Variants in NRXN3 observed in about 807,000 individuals in gnomAD.
NRXN3 encodes the protein neurexin 3, also known as neurexin III.
A neutral mutation model predicts 137.6 loss-of-function variants in NRXN3; 32 were observed. The observed-to-expected ratio is 0.23, with a 90% confidence interval of 0.18 to 0.31. The LOEUF (loss-of-function observed/expected upper bound fraction) is 0.31. Among genes scored for constraint, NRXN3 ranks in the 10% least tolerant of loss-of-function variants. The pLI, the probability that NRXN3 is intolerant of heterozygous loss-of-function variation, is 1.00. For missense variants in NRXN3, 1,574 were observed against 2,062.5 expected, an observed-to-expected ratio of 0.76 and a Z score of 4.59; for synonymous variants, 798 against 784.5, an observed-to-expected ratio of 1.02 and a Z score of -0.29.
At chr14:79,791,926 A>G (rs2099146623) in intron 19 of NRXN3, among the ~76,000 whole-genome samples, 1 of 152,180 alleles carries the variant, frequency 6.6e-6, no homozygotes, top group Non-Finnish European at 1.5e-5. Flanking sequence ...AATGTCTGCA[A>G]TAGTCATCTT....
At chr14:79,794,645 A>G (rs1309522454) in intron 19 of NRXN3, among the ~76,000 whole-genome samples, 1 of 152,228 alleles carries the variant, frequency 6.6e-6, no homozygotes, top group Non-Finnish European at 1.5e-5. Flanking sequence ...AGGACACGAT[A>G]TAGAATCCGG....
intron 19 of NRXN3, among the ~76,000 whole-genome samples, chr14:79,764,114 T>G (rs2099048039): frequency 6.6e-6 from 1 of 151,854 alleles, no homozygotes; most frequent in African/African-American, 2.4e-5. Context: ...AGCTTTTTTA[T>G]ATATGTAAAT....
chr14:78,603,173 C>T (rs550061368), intron 4 of NRXN3, among the ~76,000 whole-genome samples: 1 of 152,248 alleles, frequency 6.6e-6, no homozygotes, highest in East Asian at 1.9e-4. Flanking sequence ...TTTCCCTTTC[C>T]CCAGGGTTCC....
intron 6 of NRXN3, among the ~76,000 whole-genome samples, chr14:78,682,004 A>G (rs1332267542): frequency 6.6e-6 from 1 of 152,010 alleles, no homozygotes; most frequent in Non-Finnish European, 1.5e-5. Context: ...AGTAGCAGCG[A>G]TTACAGGCGA....
intron 19 of NRXN3, among the ~76,000 whole-genome samples, chr14:79,753,270 C>T (rs1167056251): frequency 4.6e-5 from 7 of 151,754 alleles, no homozygotes; most frequent in Admixed American, 1.3e-4. Flanking sequence ...CACATGCACA[C>T]GTATGTTTAT....
intron 4 of NRXN3, among the ~76,000 whole-genome samples, chr14:78,414,085 C>T (rs2092995559): frequency 6.6e-6 from 1 of 152,182 alleles, no homozygotes; most frequent in South Asian, 2.1e-4. Flanking sequence ...GAGGCCTCCC[C>T]AGCCATGTGG....
chr14:78,409,083 A>T (rs1461772317), intron 4 of NRXN3, among the ~76,000 whole-genome samples: 1 of 152,238 alleles, frequency 6.6e-6, no homozygotes, highest in Non-Finnish European at 1.5e-5. Context: ...GACAGCCTTC[A>T]ATAAATACTT....
intron 8 of NRXN3, among the ~76,000 whole-genome samples, chr14:78,801,370 G>A (rs984871270): frequency 6.6e-6 from 1 of 152,208 alleles, no homozygotes; most frequent in Non-Finnish European, 1.5e-5. Context: ...AAGGAAAGAA[G>A]TTTAATTGAC....
intron 10 of NRXN3, among the ~76,000 whole-genome samples, chr14:78,933,745 A>G (rs2152878817): frequency 6.6e-6 from 1 of 152,324 alleles, no homozygotes; most frequent in African/African-American, 2.4e-5. Context: ...CAAATACATT[A>G]CCTCACATAG....
rs975797313 is a variant in NRXN3, at chr14:79,773,789, A to G, written c.4015-31323A>G. Among the ~76,000 whole-genome samples, 7 of 151,048 alleles carry G rather than the reference A, an allele frequency of 4.6e-5. No homozygotes were observed. The South Asian group carries it at 1.2e-3, about 27-fold the overall frequency. ...AACTTAGAGTATAATAATGATAAATAAAATAAAAATAAATAAAAATAAAAA... is the reference window on the plus strand; with the variant it reads ...AACTTAGAGTATAATAATGATAAATGAAATAAAAATAAATAAAAATAAAAA... On this transcript the variant is annotated intron_variant, in intron 19 of 20. Coordinates refer to ENST00000335750, the MANE Select transcript of NRXN3 (RefSeq NM_001330195.2).
At chr14:78,793,932 A>T (rs1293014010) in intron 8 of NRXN3, among the ~76,000 whole-genome samples, 1 of 152,120 alleles carries the variant, frequency 6.6e-6, no homozygotes. Context: ...CACAGTTTGA[A>T]CAACTCAGAT....
chr14:79,811,581 C>CTTTTTTTTT (rs370942970), intron 20 of NRXN3, among the ~76,000 whole-genome samples: 99 of 116,602 alleles, frequency 8.5e-4, no homozygotes, highest in African/African-American at 1.5e-3. Context: ...TTTCTTTTTT[C>CTTTTTTTTT]TTTTTTTTTT....
At chr14:79,845,570 G>A (rs1306938129) in intron 20 of NRXN3, among the ~76,000 whole-genome samples, 4 of 134,414 alleles carry the variant, frequency 3.0e-5, no homozygotes, top group Non-Finnish European at 4.8e-5. Flanking sequence ...GAGAGAGAGA[G>A]AGACCGACCC....
At chr14:78,777,987 C>CGTGAT (rs2098750156) in intron 8 of NRXN3, among the ~76,000 whole-genome samples, 2 of 152,024 alleles carry the variant, frequency 1.3e-5, no homozygotes, top group Non-Finnish European at 2.9e-5. Context: ...GATCTCAAAC[C>CGTGAT]CCTAGCCTCA....
chr14:78,422,682 A>G (rs1441989676), intron 4 of NRXN3, among the ~76,000 whole-genome samples: 1 of 152,236 alleles, frequency 6.6e-6, no homozygotes, highest in African/African-American at 2.4e-5. Flanking sequence ...GCCCAGCACA[A>G]TGCTAGAGGC....
chr14:78,994,021 T>G (rs2099524677), intron 15 of NRXN3, among the ~76,000 whole-genome samples: 1 of 151,616 alleles, frequency 6.6e-6, no homozygotes, highest in Non-Finnish European at 1.5e-5. Context: ...GTCCAGCTAA[T>G]TTTTGTATTT....
At chr14:78,356,018 A>G (rs1365795105) in intron 4 of NRXN3, among the ~76,000 whole-genome samples, 1 of 152,246 alleles carries the variant, frequency 6.6e-6, no homozygotes, top group Non-Finnish European at 1.5e-5. Context: ...CCTCAGAGAC[A>G]GGTGGCGAAA....
chr14:79,600,671 G>T (rs1032316458), intron 16 of NRXN3, among the ~76,000 whole-genome samples: 1 of 152,106 alleles, frequency 6.6e-6, no homozygotes, highest in Non-Finnish European at 1.5e-5. Context: ...CCAGAAGAGT[G>T]GGGAGAGAGT....
chr14:78,288,163 A>T (rs2075387339), intron 3 of NRXN3, among the ~76,000 whole-genome samples: 1 of 152,158 alleles, frequency 6.6e-6, no homozygotes. Context: ...TATTTTTAGT[A>T]GAGACAGTGT....
Sources: gnomAD v4.1 joint callset for allele counts (sites outside exome capture counted in the v4.1 genomes callset) on GRCh38, gnomAD v4.1.1 for gene constraint, MANE v1.5 for transcripts, NCBI Gene and HGNC (gene_info 2026-07-23, HGNC 2026-07-21) for gene names.